DOCK5: variants seen among roughly 807,000 people sequenced by gnomAD.
DOCK5 encodes the protein dedicator of cytokinesis protein 5.
In DOCK5, 142 loss-of-function variants were observed where a neutral mutation model predicts 251.8. The observed-to-expected ratio is 0.56, with a 90% confidence interval of 0.49 to 0.65. The LOEUF is 0.65. DOCK5 is among the 30% of genes least tolerant of loss of function. The pLI is 0.00. For synonymous variants in DOCK5, 842 were observed against 835.5 expected (o/e 1.01, Z -0.13); for missense variants, 2,111 against 2,312.3 (o/e 0.91, Z 1.79).
intron 45 of DOCK5, among the ~76,000 whole-genome samples, chr8:25,396,361 G>A (rs182018936): frequency 7.6e-4 from 115 of 152,210 alleles, no homozygotes; most frequent in African/African-American, 2.6e-3. Context: ...AGCTTGGGTG[G>A]CGGAATTAGC....
intron 17 of DOCK5, 95 bp from the exon 18 acceptor site, chr8:25,325,269 G>A (rs1468239391): frequency 3.0e-5 from 40 of 1,330,324 alleles, no homozygotes; most frequent in Non-Finnish European, 3.3e-5. Flanking sequence ...ATAAGTCCAC[G>A]CTTCTCATGC....
chr8:25,302,206 C>A, intron 9 of DOCK5, 119 bp from the exon 10 acceptor site: 344 of 1,267,108 alleles, frequency 2.7e-4, no homozygotes, highest in East Asian at 9.4e-4. Context: ...CGTTCTAATA[C>A]TTCAGCATTG....
intron 50 of DOCK5, chr8:25,409,653 C>T (rs1159199834): frequency 6.5e-6 from 1 of 154,276 alleles, no homozygotes; most frequent in Non-Finnish European, 1.4e-5. Context: ...TCGAGATCAT[C>T]CTGGCTACAG....
intron 50 of DOCK5, 124 bp from the exon 51 acceptor site, chr8:25,409,975 A>G (rs866317909): frequency 1.3e-6 from 1 of 741,304 alleles, no homozygotes; most frequent in African/African-American, 1.7e-5. Context: ...CGCAGAAACC[A>G]TAGAATGTGG....
chr8:25,299,935 A>G (rs1485571036), intron 8 of DOCK5, among the ~76,000 whole-genome samples: 1 of 152,098 alleles, frequency 6.6e-6, no homozygotes, highest in South Asian at 2.1e-4. Flanking sequence ...TTCTTTTTTT[A>G]TCTTTTATTT....
rs202178356 is a variant in DOCK5, at chr8:25,358,981, A to G, written c.2869A>G (p.Met957Val). ...SPHIGSFVAC[M>V]IALLQQMDDS... ...CTTCCAGGGGAGTTTTGTGGCTTGCATGATTGCCCTGCTGCAGCAAATGGA... is the reference window on the plus strand; with the variant it reads ...CTTCCAGGGGAGTTTTGTGGCTTGCGTGATTGCCCTGCTGCAGCAAATGGA... Residue 957 changes from methionine to valine, a missense_variant, in exon 28 of 52, where the codon ATG (methionine) becomes GTG (valine). By Grantham distance (21) the Met-to-Val change is conservative. Around this residue, in one of 3 missense-constraint regions of DOCK5, gnomAD observed 1,717 missense variants for 1,892.4 expected, o/e 0.91. Coordinates refer to ENST00000276440, the MANE Select transcript of DOCK5 (RefSeq NM_024940.8). 3.7e-6 allele frequency: 6 copies of G among 1,613,768 alleles called. No homozygotes were observed. Among genetic ancestry groups the G allele is most frequent in the Admixed American group, 1.7e-5 (1 of 60,010 alleles).
chr8:25,405,494 A>AT (rs1563233507), intron 48 of DOCK5, among the ~76,000 whole-genome samples: 2 of 151,644 alleles, frequency 1.3e-5, no homozygotes, highest in Admixed American at 6.6e-5. Flanking sequence ...GTCTGTGGAC[A>AT]TTTTTTTTCT....
intron 44 of DOCK5, among the ~76,000 whole-genome samples, chr8:25,394,860 A>G (rs1017603074): frequency 3.9e-5 from 6 of 152,120 alleles, no homozygotes; most frequent in African/African-American, 1.4e-4. Context: ...TGGTGTCCTT[A>G]TAAGCTAGCA....
At position 25,310,531 on chromosome 8, in the gene DOCK5, A is replaced by C; in HGVS notation, c.1317A>C (p.Pro439=). 6.2e-7 allele frequency: 1 copy of C among 1,608,964 alleles called. No individual in the cohort carries two copies. The highest frequency in any genetic ancestry group is 8.5e-7 in the Non-Finnish European group (1 of 1,177,822). ...TGGGCTTTCCTGAAATCATACTGCC[A>C]GGTAAGCACTTTGCATGGCTCACCT... ...RKMGFPEIIL[P]GDVRNDIYVT... Residue 439 remains proline, a splice_region_variant and synonymous_variant, in exon 13 of 52, where the codon CCA becomes CCC. Transcript: ENST00000276440.
rs779544016 is a variant in DOCK5 at position 25,310,513 on chromosome 8, TC to T, written c.1301del (p.Pro434LeufsTer17). ...CAGCAATAGCCCGGAAGATGGGCTTTCCTGAAATCATACTGCCAGGTAAGCA... is the reference window on the plus strand; with the variant it reads ...CAGCAATAGCCCGGAAGATGGGCTTTCTGAAATCATACTGCCAGGTAAGCA... ...STAIARKMGF[P>X]EIILPGDVRN... On this transcript the variant is annotated frameshift_variant, in exon 13 of 52. Coordinates refer to ENST00000276440, the MANE Select transcript of DOCK5 (RefSeq NM_024940.8). LOFTEE classifies it high-confidence loss of function. 6 of 1,611,888 alleles carry T rather than the reference TC, an allele frequency of 3.7e-6. No individual in the cohort carries two copies. Among genetic ancestry groups the T allele is most frequent in the Non-Finnish European group, 5.1e-6 (6 of 1,179,174 alleles).
intron 29 of DOCK5, 88 bp from the exon 30 acceptor site, chr8:25,364,538 T>A (rs1800742368): frequency 2.2e-6 from 2 of 905,752 alleles, no homozygotes; most frequent in East Asian, 5.3e-5. Flanking sequence ...CAAGTTCAGG[T>A]TTGGTTTGGT....
At chr8:25,292,682 G>A (rs1804524313) in intron 6 of DOCK5, among the ~76,000 whole-genome samples, 1 of 152,094 alleles carries the variant, frequency 6.6e-6, no homozygotes, top group Non-Finnish European at 1.5e-5. Flanking sequence ...AGGCTGCAGT[G>A]AGCCATGATT....
At chr8:25,410,940 TG>T (rs1303201968) in intron 51 of DOCK5, among the ~76,000 whole-genome samples, 2 of 38,010 alleles carry the variant, frequency 5.3e-5, no homozygotes, top group South Asian at 8.6e-4. Flanking sequence ...AGAGAGAAAA[TG>T]TGTGTGTGTG....
chr8:25,215,622 A>G (rs78624930), intron 1 of DOCK5, among the ~76,000 whole-genome samples: 3,922 of 152,120 alleles, frequency 0.026, 67 homozygotes, highest in Middle Eastern at 0.054. Context: ...TTTGCAACCT[A>G]CTCAATCCCT....
intron 22 of DOCK5, among the ~76,000 whole-genome samples, chr8:25,337,802 G>T (rs971743647): frequency 3.3e-5 from 5 of 151,782 alleles, no homozygotes; most frequent in Non-Finnish European, 4.4e-5. Context: ...AGCCAGGATG[G>T]TCTCGATCTC....
chr8:25,373,497 G>C, intron 35 of DOCK5, 121 bp from the exon 36 acceptor site: 1 of 919,052 alleles, frequency 1.1e-6, no homozygotes, highest in Non-Finnish European at 1.7e-6. Context: ...TTGTTAAAGG[G>C]AAACAGTGAT....
intron 27 of DOCK5, among the ~76,000 whole-genome samples, chr8:25,353,735 C>T (rs1331382899): frequency 6.6e-6 from 1 of 151,992 alleles, no homozygotes; most frequent in Non-Finnish European, 1.5e-5. Context: ...GTAAGAATGA[C>T]TTAGGAAGCT....
At chr8:25,380,528 G>A in intron 39 of DOCK5, 134 bp downstream of exon 39, 11 of 743,804 alleles carry the variant, frequency 1.5e-5, no homozygotes, top group Admixed American at 8.0e-5. Context: ...TGCTTGAAAT[G>A]AGAATGAAAA....
intron 2 of DOCK5, among the ~76,000 whole-genome samples, chr8:25,244,857 A>G (rs553202092): frequency 4.6e-5 from 7 of 152,276 alleles, no homozygotes; most frequent in South Asian, 2.1e-4. Flanking sequence ...ACACAACTCA[A>G]TGTAATCATG....
Sources: allele counts gnomAD v4.1 joint callset (sites outside exome capture counted in the v4.1 genomes callset), GRCh38; gene constraint gnomAD v4.1.1; regional missense constraint gnomAD v4.1.1; transcripts MANE v1.5; gene names NCBI Gene and HGNC (gene_info 2026-07-23, HGNC 2026-07-21).